The following ALPK2 variants were observed in gnomAD, a reference collection of about 807,000 sequenced individuals.
ALPK2 encodes the protein alpha-protein kinase 2.
Under a neutral mutation model 163.1 loss-of-function variants are expected in ALPK2, and 127 were observed. That is an observed-to-expected ratio of 0.78 (90% confidence interval 0.67 to 0.90). The LOEUF (loss-of-function observed/expected upper bound fraction) is 0.90, where lower values mean the gene tolerates loss of function less well. Among genes scored for constraint, ALPK2 ranks in the 40% least tolerant of loss-of-function variants. ALPK2 has a pLI of 0.00. For missense variants in ALPK2, 2,360 were observed against 2,589.6 expected, an observed-to-expected ratio of 0.91 and a Z score of 1.92; for synonymous variants, 953 against 959.1, an observed-to-expected ratio of 0.99 and a Z score of 0.12.
At chr18:58,485,425 GCCTGCAGCTCCAC>G (rs2051333658) in intron 12 of ALPK2, among the ~76,000 whole-genome samples, 1 of 152,170 alleles carries the variant, frequency 6.6e-6, no homozygotes, top group Non-Finnish European at 1.5e-5. Flanking sequence ...TAAAGCGGCA[GCCTGCAGCTCCAC>G]CCTGCCGTGA....
At chr18:58,626,125 C>T (rs990370556) in intron 1 of ALPK2, among the ~76,000 whole-genome samples, 4 of 152,082 alleles carry the variant, frequency 2.6e-5, no homozygotes, top group Non-Finnish European at 5.9e-5. Flanking sequence ...GTAACCGAAG[C>T]GAAGAATGTA....
At chr18:58,606,657 C>T (rs937950317) in intron 3 of ALPK2, among the ~76,000 whole-genome samples, 1 of 152,168 alleles carries the variant, frequency 6.6e-6, no homozygotes, top group East Asian at 1.9e-4. Context: ...TCATACCATG[C>T]TTTGAAGAAC....
intron 4 of ALPK2, among the ~76,000 whole-genome samples, chr18:58,576,935 C>G (rs533646566): frequency 6.6e-6 from 1 of 152,310 alleles, no homozygotes; most frequent in Admixed American, 6.5e-5. Flanking sequence ...AAATGCAAGC[C>G]CTTCGGTTTG....
chr18:58,613,744 T>TAATAATAAA (rs1259375289), intron 1 of ALPK2, among the ~76,000 whole-genome samples: 1 of 124,332 alleles, frequency 8.0e-6, no homozygotes, highest in Non-Finnish European at 1.7e-5. Context: ...ATAATAATAA[T>TAATAATAAA]AAAATAAAAA....
At position 58,579,010 on chromosome 18, in the gene ALPK2, G is replaced by T. The variant is rs1289228857; in HGVS notation, c.1766C>A (p.Ala589Glu). The T allele has an allele frequency of 4.3e-6, 7 of 1,614,252 alleles. No individual in the cohort carries two copies. The highest frequency in any genetic ancestry group is 5.1e-6 in the Non-Finnish European group (6 of 1,180,044). The change falls in exon 4 of 13, where the codon GCA (alanine) becomes GAA (glutamate). Residue 589 changes from alanine to glutamate, a missense_variant. Transcript: ENST00000361673. ...DKRETSHTTA[A>E]ATGRSSHADA... ...AGCATGGGAACTCCGACCAGTCGCTGCTGCTGTGGTGTGAGAAGTCTCTCT... is the reference window on the plus strand; with the variant it reads ...AGCATGGGAACTCCGACCAGTCGCTTCTGCTGTGGTGTGAGAAGTCTCTCT...
At chr18:58,625,247 C>T (rs1265114923) in intron 1 of ALPK2, among the ~76,000 whole-genome samples, 1 of 151,896 alleles carries the variant, frequency 6.6e-6, no homozygotes, top group South Asian at 2.1e-4. Context: ...TGTCCCCACA[C>T]TCAGTGTCAC....
chr18:58,619,568 G>A (rs933432899), intron 1 of ALPK2, among the ~76,000 whole-genome samples: 1 of 152,126 alleles, frequency 6.6e-6, no homozygotes, highest in African/African-American at 2.4e-5. Flanking sequence ...ATACGTTTCT[G>A]TTACATTAGA....
intron 5 of ALPK2, among the ~76,000 whole-genome samples, chr18:58,529,777 T>C (rs983009037): frequency 3.3e-5 from 5 of 152,228 alleles, no homozygotes; most frequent in Admixed American, 3.3e-4. Flanking sequence ...TAGATTGGAG[T>C]GATGTCTGAT....
chr18:58,487,947 C>T lies in ALPK2; in HGVS notation c.6297-5908G>A, dbSNP rs544313659. On this transcript the variant is annotated intron_variant, in intron 12 of 12. Coordinates refer to ENST00000361673, the MANE Select transcript of ALPK2 (RefSeq NM_052947.4). ...TCCCCCTGGATGAGAGTGGTCCCTG[C>T]GAATGACCTCGAGACCCTGTTAAAA... Among the ~76,000 whole-genome samples, 31 of 152,272 alleles carry T rather than the reference C, an allele frequency of 2.0e-4. 2 individuals carry two copies. The South Asian group carries it at 5.4e-3, about 26-fold the overall frequency.
At chr18:58,596,606 G>A (rs2052042570) in intron 3 of ALPK2, among the ~76,000 whole-genome samples, 1 of 152,268 alleles carries the variant, frequency 6.6e-6, no homozygotes, top group African/African-American at 2.4e-5. Flanking sequence ...TACAGCAGCT[G>A]TGGGAGGCCT....
chr18:58,524,761 CTA>C (rs1275763916), intron 6 of ALPK2, among the ~76,000 whole-genome samples: 12 of 152,064 alleles, frequency 7.9e-5, no homozygotes, highest in African/African-American at 2.9e-4. Context: ...AATGAGAGAA[CTA>C]TGTTTACTAT....
At chr18:58,584,570 C>G (rs1410886627) in intron 3 of ALPK2, among the ~76,000 whole-genome samples, 1 of 151,876 alleles carries the variant, frequency 6.6e-6, no homozygotes, top group Admixed American at 6.6e-5. Context: ...TAAAGTGTTT[C>G]TGTCCTAAGT....
At chr18:58,543,631 C>T (rs1462677566) in intron 4 of ALPK2, among the ~76,000 whole-genome samples, 1 of 152,188 alleles carries the variant, frequency 6.6e-6, no homozygotes, top group Admixed American at 6.5e-5. Context: ...CTGCAGTGTC[C>T]TTCCAGTGCC....
intron 3 of ALPK2, among the ~76,000 whole-genome samples, chr18:58,598,981 A>T (rs2052055375): frequency 1.3e-5 from 2 of 152,122 alleles, no homozygotes; most frequent in Non-Finnish European, 2.9e-5. Flanking sequence ...TCCAACTTCT[A>T]GTGATTGGTG....
Position 58,535,255 on chromosome 18 carries a change from G to A in ALPK2, c.4932C>T (p.Ser1644=). The A allele has an allele frequency of 1.2e-6, 2 of 1,614,148 alleles. No homozygotes were observed. Among genetic ancestry groups the A allele is most frequent in the Non-Finnish European group, 1.7e-6 (2 of 1,180,024 alleles). Residue 1644 remains serine, a synonymous_variant, in exon 5 of 13, where the codon AGC becomes AGT. Transcript: ENST00000361673. ...VLQIGETKPP[S]SSSSSAKTLA... is the part of the protein sequence containing the mutation. Reference sequence around the variant, plus strand: ...AGGTCTTCGCTGAGGAGCTAGATGAGCTTGGGGGTTTGGTTTCCCCAATTT... The same window carrying A: ...AGGTCTTCGCTGAGGAGCTAGATGAACTTGGGGGTTTGGTTTCCCCAATTT...
intron 10 of ALPK2, among the ~76,000 whole-genome samples, chr18:58,509,416 G>C (rs1277825809): frequency 6.6e-6 from 1 of 152,042 alleles, no homozygotes; most frequent in Non-Finnish European, 1.5e-5. Context: ...GGATGGCTGG[G>C]TCAAATGGTA....
At chr18:58,507,226 A>G (rs1210302831) in intron 10 of ALPK2, among the ~76,000 whole-genome samples, 1 of 152,218 alleles carries the variant, frequency 6.6e-6, no homozygotes, top group Non-Finnish European at 1.5e-5. Flanking sequence ...GACTTCTGGG[A>G]GGGACCAAGT....
At chr18:58,525,985 AAG>A (rs1491486414) in intron 6 of ALPK2, among the ~76,000 whole-genome samples, 3 of 151,528 alleles carry the variant, frequency 2.0e-5, no homozygotes, top group Non-Finnish European at 2.9e-5. Flanking sequence ...AAAAAAAAAA[AAG>A]GCACAGTCCT....
chr18:58,547,672 G>T (rs2051724928), intron 4 of ALPK2, among the ~76,000 whole-genome samples: 1 of 152,238 alleles, frequency 6.6e-6, no homozygotes, highest in African/African-American at 2.4e-5. Context: ...GCCAAGAAAA[G>T]TTATGGCTTC....
Sources: allele counts gnomAD v4.1 joint callset (sites outside exome capture counted in the v4.1 genomes callset), GRCh38; gene constraint gnomAD v4.1.1; transcripts MANE v1.5; gene names NCBI Gene and HGNC (gene_info 2026-07-23, HGNC 2026-07-21).